The following IGFALS variants were observed in gnomAD, a reference collection of about 807,000 sequenced individuals.
IGFALS encodes the protein insulin like growth factor binding protein acid labile subunit, also known as insulin-like growth factor-binding protein complex acid labile subunit.
A neutral mutation model predicts 2.6 loss-of-function variants in IGFALS; 2 were observed. That is an observed-to-expected ratio of 0.77 (90% CI 0.32 to 2.44). The LOEUF is 2.44. Ranked by LOEUF, IGFALS falls within the 30% of genes most tolerant of loss-of-function variation. The pLI is 0.11. For missense variants in IGFALS, 996 were observed against 848.7 expected (o/e 1.17, Z -2.16); for synonymous variants, 519 against 431.9 (o/e 1.20, Z -2.50).
chr16:1,792,463 C>G (rs929802064), intron 1 of IGFALS, 62 bp from the exon 2 acceptor site: 3 of 1,479,570 alleles, frequency 2.0e-6, no homozygotes, highest in Non-Finnish European at 2.7e-6. Context: ...GAGCCTGATA[C>G]CAGCACAGCC....
rs778370673 is a variant in IGFALS, at chr16:1,792,203, A to T, written c.215T>A (p.Val72Asp). The T allele has an allele frequency of 1.2e-6, 2 of 1,610,230 alleles. No individual in the cohort carries two copies. The highest frequency in any genetic ancestry group is 1.7e-6 in the Non-Finnish European group (2 of 1,179,710). Residue 72 changes from valine to aspartate, a missense_variant, in exon 2 of 2, where the codon GTC becomes GAC. Transcript: ENST00000215539. ...SRNLTRLPDG[V>D]PGGTQALWLD... ...CCACAGGGCTTGGGTGCCGCCCGGG[A>T]CTCCATCAGGCAGGCGCGTGAGGTT...
intron 1 of IGFALS, among the ~76,000 whole-genome samples, chr16:1,793,047 C>A (rs1897268752): frequency 6.6e-6 from 1 of 152,212 alleles, no homozygotes; most frequent in South Asian, 2.1e-4. Context: ...CCACAGGCCC[C>A]ACAGACCCAG....
rs1239632524 is a variant in IGFALS at position 1,790,541 on chromosome 16, C to T, written c.*59G>A. ...CCCCTGAGGACACTGAGGACCTGTC[C>T]CCAGCACAAGGTGAGCCAGGTGGGG... On this transcript the variant is annotated 3_prime_UTR_variant, in exon 2 of 2. Transcript: ENST00000215539. 3.5e-6 allele frequency: 5 copies of T among 1,434,030 alleles called. No homozygotes were observed. The South Asian group carries it at 3.7e-5, about 11-fold the overall frequency. 88.8% of individuals were successfully genotyped at this position (1,434,030 alleles called of 1,614,324 possible).
In IGFALS at chr16:1,791,762, T is replaced by C. The variant is rs755547183; in HGVS notation, c.656A>G (p.Glu219Gly). Residue 219 changes from glutamate (E) to glycine (G), a missense_variant, in exon 2 of 2, where the codon GAG becomes GGG. By Grantham distance (98) the Glu-to-Gly change is moderately conservative. Transcript: ENST00000215539. ...LQPALFSGLAELRELDLSRNA... is the reference protein window; with the variant it reads ...LQPALFSGLAGLRELDLSRNA... Reference sequence around the variant, plus strand: ...CCTGCTCAGGTCCAGCTCCCGGAGCTCGGCCAGGCCGCTGAAGAGCGCGGG... The same window carrying C: ...CCTGCTCAGGTCCAGCTCCCGGAGCCCGGCCAGGCCGCTGAAGAGCGCGGG... The C allele has an allele frequency of 6.5e-7, 1 of 1,549,720 alleles. No individual in the cohort carries two copies. Among genetic ancestry groups the C allele is most frequent in the Non-Finnish European group, 8.7e-7 (1 of 1,151,434 alleles).
In IGFALS at chr16:1,790,503, T is replaced by C. The variant is rs1266352500; in HGVS notation, c.*97A>G. On this transcript the variant is annotated 3_prime_UTR_variant, in exon 2 of 2. Coordinates refer to ENST00000215539, the MANE Select transcript of IGFALS (RefSeq NM_004970.3). The stretch of plus-strand genomic sequence containing the variant: ...TCAGGCCCTTGCGTCTTCCAGCAAG[T>C]GCACTGGGCAGGCCCCTGAGGACAC... The C allele has an allele frequency of 1.9e-6, 2 of 1,060,566 alleles. No homozygotes were observed. The highest frequency in any genetic ancestry group is 2.8e-6 in the Non-Finnish European group (2 of 710,038). 65.7% of individuals were successfully genotyped at this position (1,060,566 alleles called of 1,614,324 possible). A position where few individuals can be genotyped will look rare whatever the true frequency, so the allele number is the denominator to read the frequency against.
In IGFALS at chr16:1,792,268, A is replaced by C. The variant is rs760505912; in HGVS notation, c.150T>G (p.Asp50Glu). 3.1e-6 allele frequency: 5 copies of C among 1,600,980 alleles called. No homozygotes were observed. In the African/African-American group the frequency reaches 6.7e-5, roughly 21 times the overall value. ...ACPAACVCSY[D>E]DDADELSVFC... ...AGACGCTGAGCTCATCCGCGTCGTCATCGTAGCTGCAGACACAGGCGGCCG... is the reference window on the plus strand; with the variant it reads ...AGACGCTGAGCTCATCCGCGTCGTCCTCGTAGCTGCAGACACAGGCGGCCG... The change falls in exon 2 of 2, where the codon GAT (aspartate) becomes GAG (glutamate). Residue 50 changes from aspartate (D) to glutamate (E), a missense_variant. Coordinates refer to ENST00000215539, the MANE Select transcript of IGFALS (RefSeq NM_004970.3).
At position 1,790,653 on chromosome 16, in the gene IGFALS, C is replaced by T; in HGVS notation, c.1765G>A (p.Val589Ile). 1 of 1,595,738 alleles carries T rather than the reference C, an allele frequency of 6.3e-7. No homozygotes were observed. The highest frequency in any genetic ancestry group is 1.1e-5 in the South Asian group (1 of 88,238). The change falls in exon 2 of 2, where the codon GTC becomes ATC. Residue 589 changes from valine (V) to isoleucine (I), a missense_variant. Val to Ile is a conservative substitution (Grantham distance 29). Transcript: ENST00000215539. ...AGGTCCCGCAGGTCGAGCCCCACGA[C>T]CTCGGGCGGGCTGGCACAGGTGATG... is the stretch of plus-strand genomic sequence containing the variant. The part of the protein sequence containing the change: ...NNITCASPPE[V>I]VGLDLRDLSE...
chr16:1,792,999 C>T (rs1050201879), intron 1 of IGFALS, among the ~76,000 whole-genome samples: 2 of 152,146 alleles, frequency 1.3e-5, no homozygotes, highest in African/African-American at 2.4e-5. Flanking sequence ...CCTGGACCGT[C>T]GGCCACCAAA....
rs1264644548 is a variant in IGFALS at position 1,790,543 on chromosome 16, C to T, written c.*57G>A. The stretch of plus-strand genomic sequence containing the variant: ...CCTGAGGACACTGAGGACCTGTCCC[C>T]AGCACAAGGTGAGCCAGGTGGGGGC... On this transcript the variant is annotated 3_prime_UTR_variant, in exon 2 of 2. Coordinates refer to ENST00000215539, the MANE Select transcript of IGFALS (RefSeq NM_004970.3). The T allele has an allele frequency of 3.5e-6, 5 of 1,444,600 alleles. No homozygotes were observed. The highest frequency in any genetic ancestry group is 4.7e-6 in the Non-Finnish European group (5 of 1,053,534). The allele number at this position is 1,444,600 out of a possible 1,614,324, so 89.5% of individuals were successfully genotyped here. A position where few individuals can be genotyped will look rare whatever the true frequency, so the allele number is the denominator to read the frequency against.
In IGFALS at chr16:1,791,101, G is replaced by A. The variant is rs759604566; in HGVS notation, c.1317C>T (p.Leu439=). The change falls in exon 2 of 2, where the codon CTC becomes CTT. Residue 439 remains leucine (L), a synonymous_variant. Transcript: ENST00000215539. ...GCGTGAGCTGGTTGGAGGTCAGGTC[G>A]AGCTCCAGCAGCTCCGCCAGCCCCC... is the stretch of plus-strand genomic sequence containing the variant. ...SLWGLAELLE[L]DLTSNQLTHL... 1.1e-5 allele frequency: 17 copies of A among 1,600,832 alleles called. No homozygotes were observed. In the South Asian group the frequency reaches 1.2e-4, roughly 11 times the overall value.
At chr16:1,793,708 C>A, upstream of IGFALS, 4 of 1,531,766 alleles carry the variant, frequency 2.6e-6, no homozygotes, top group Non-Finnish European at 3.5e-6. Context: ...TCTGCTGTGC[C>A]GGCCACCCCT....
In IGFALS at chr16:1,790,508, TG is replaced by T; in HGVS notation, c.*91del. 8.9e-7 allele frequency: 1 copy of T among 1,126,378 alleles called. No homozygotes were observed. The highest frequency in any genetic ancestry group is 1.3e-6 in the Non-Finnish European group (1 of 769,366). 69.8% of individuals were successfully genotyped at this position (1,126,378 alleles called of 1,614,324 possible). On this transcript the variant is annotated 3_prime_UTR_variant, in exon 2 of 2. Coordinates refer to ENST00000215539, the MANE Select transcript of IGFALS (RefSeq NM_004970.3). Reference sequence around the variant, plus strand: ...CCCTTGCGTCTTCCAGCAAGTGCACTGGGCAGGCCCCTGAGGACACTGAGGA... The same window carrying T: ...CCCTTGCGTCTTCCAGCAAGTGCACTGGCAGGCCCCTGAGGACACTGAGGA...
At chr16:1,794,549 C>G (rs544390017), upstream of IGFALS, among the ~76,000 whole-genome samples, 2 of 152,280 alleles carry the variant, frequency 1.3e-5, no homozygotes, top group African/African-American at 4.8e-5. Flanking sequence ...CCAAGGCCAC[C>G]CCTGGGCTCC....
rs1596887669 is a variant in IGFALS, at chr16:1,791,917, C to T, written c.501G>A (p.Glu167=). The part of the protein sequence containing the change: ...RLSRLEDGLF[E]GLGSLWDLNL... ...TGAGGTCCCAGAGGCTGCCGAGGCC[C>T]TCGAAGAGCCCGTCCTCCAGCCTGC... The change falls in exon 2 of 2, where the codon GAG becomes GAA. Residue 167 remains glutamate, a synonymous_variant. Coordinates refer to ENST00000215539, the MANE Select transcript of IGFALS (RefSeq NM_004970.3). 3 of 1,580,022 alleles carry T rather than the reference C, an allele frequency of 1.9e-6. No homozygotes were observed. The highest frequency in any genetic ancestry group is 2.6e-6 in the Non-Finnish European group (3 of 1,164,718).
chr16:1,794,758 G>A, upstream of IGFALS: 1 of 685,346 alleles, frequency 1.5e-6, no homozygotes, highest in Non-Finnish European at 2.7e-6. Context: ...CAGCCGGAAG[G>A]GGTGCAGGCG....
At chr16:1,792,576 C>T in intron 1 of IGFALS, 175 bp from the exon 2 acceptor site, 1 of 1,255,938 alleles carries the variant, frequency 8.0e-7, no homozygotes, top group Non-Finnish European at 1.1e-6. Context: ...TGACACTGCG[C>T]TTCCCACCCC....
At position 1,791,979 on chromosome 16, in the gene IGFALS, C is replaced by A; in HGVS notation, c.439G>T (p.Ala147Ser). Residue 147 changes from alanine to serine, a missense_variant, in exon 2 of 2, where the codon GCG (alanine) becomes TCG (serine). By Grantham distance (99) the Ala-to-Ser change is moderately conservative. Coordinates refer to ENST00000215539, the MANE Select transcript of IGFALS (RefSeq NM_004970.3). ...LALGTFAHTP[A>S]LASLGLSNNR... ...TTGCTGAGGCCGAGCGAGGCCAGCG[C>A]GGGCGTGTGTGCAAACGTGCCGAGT... 1 of 1,604,872 alleles carries A rather than the reference C, an allele frequency of 6.2e-7. No individual in the cohort carries two copies. The highest frequency in any genetic ancestry group is 8.5e-7 in the Non-Finnish European group (1 of 1,177,448).
At position 1,791,131 on chromosome 16, in the gene IGFALS, G is replaced by A. The variant is rs1051343231; in HGVS notation, c.1287C>T (p.Ser429=). 3.1e-6 allele frequency: 5 copies of A among 1,604,562 alleles called. No individual in the cohort carries two copies. The highest frequency in any genetic ancestry group is 1.3e-5 in the African/African-American group (1 of 74,924). Residue 429 remains serine (S), a synonymous_variant, in exon 2 of 2, where the codon AGC becomes AGT. Coordinates refer to ENST00000215539, the MANE Select transcript of IGFALS (RefSeq NM_004970.3). ...DNGLVGIEEQ[S]LWGLAELLEL... ...CCAGCAGCTCCGCCAGCCCCCACAG[G>A]CTCTGCTCCTCAATGCCCACGAGGC...
In IGFALS at chr16:1,792,279, A is replaced by G. The variant is rs1367017324; in HGVS notation, c.139T>C (p.Cys47Arg). ...EGPACPAACV[C>R]SYDDDADELS... ...TCATCCGCGTCGTCATCGTAGCTGC[A>G]GACACAGGCGGCCGGGCACGCTGGG... is the stretch of plus-strand genomic sequence containing the variant. The change falls in exon 2 of 2, where the codon TGC becomes CGC. Residue 47 changes from cysteine to arginine, a missense_variant. Transcript: ENST00000215539. 1.2e-6 allele frequency: 2 copies of G among 1,600,152 alleles called. No individual in the cohort carries two copies. Among genetic ancestry groups the G allele is most frequent in the Non-Finnish European group, 1.7e-6 (2 of 1,179,594 alleles).
Sources: allele counts gnomAD v4.1 joint callset (sites outside exome capture counted in the v4.1 genomes callset), GRCh38; gene constraint gnomAD v4.1.1; transcripts MANE v1.5; gene names NCBI Gene and HGNC (gene_info 2026-07-23, HGNC 2026-07-21).